Variants in LRP1B observed in about 807,000 individuals in gnomAD.
LRP1B encodes the protein LDL receptor related protein 1B, also known as low-density lipoprotein receptor-related protein 1B.
In LRP1B, 217 loss-of-function variants were observed where a neutral mutation model predicts 556.6. That is an observed-to-expected ratio of 0.39 (90% CI 0.35 to 0.44). The LOEUF (loss-of-function observed/expected upper bound fraction) is 0.44. Among genes scored for constraint, LRP1B ranks in the 20% least tolerant of loss-of-function variants. The pLI, the probability that LRP1B is intolerant of heterozygous loss-of-function variation, is 1.00. For missense variants in LRP1B, 5,053 were observed against 5,620.8 expected, an observed-to-expected ratio of 0.90 and a Z score of 3.23; for synonymous variants, 2,047 against 1,865.8, an observed-to-expected ratio of 1.10 and a Z score of -2.50.
At chr2:142,074,564 G>A (rs542511217) in intron 1 of LRP1B, among the ~76,000 whole-genome samples, 1 of 152,010 alleles carries the variant, frequency 6.6e-6, no homozygotes, top group South Asian at 2.1e-4. Flanking sequence ...CTTCTCTGTA[G>A]AACTCCTGTG....
At chr2:140,642,564 G>A (rs1052665284) in intron 41 of LRP1B, among the ~76,000 whole-genome samples, 5 of 152,052 alleles carry the variant, frequency 3.3e-5, no homozygotes, top group African/African-American at 7.2e-5. Context: ...CTAAGAGGCC[G>A]GGCACGGTGG....
intron 41 of LRP1B, among the ~76,000 whole-genome samples, chr2:140,666,198 T>A (rs1685264430): frequency 6.6e-6 from 1 of 151,382 alleles, no homozygotes; most frequent in Non-Finnish European, 1.5e-5. Context: ...CTTCACCATC[T>A]TGGCCAGGCT....
chr2:141,599,909 C>T (rs2105307047), intron 2 of LRP1B, among the ~76,000 whole-genome samples: 1 of 152,166 alleles, frequency 6.6e-6, no homozygotes, highest in South Asian at 2.1e-4. Context: ...CTCACTTGGG[C>T]CACTTGGGTG....
chr2:140,868,314 T>C (rs1693017686), intron 25 of LRP1B, 51 bp from the exon 26 acceptor site: 1 of 1,474,840 alleles, frequency 6.8e-7, no homozygotes, highest in Middle Eastern at 2.0e-4. Context: ...AGTCATTCAT[T>C]TCACAGATAT....
At chr2:140,907,511 G>A (rs1694291015) in intron 22 of LRP1B, among the ~76,000 whole-genome samples, 1 of 152,008 alleles carries the variant, frequency 6.6e-6, no homozygotes, top group African/African-American at 2.4e-5. Context: ...ATATAGGGTG[G>A]TGGTGAGTTC....
intron 2 of LRP1B, among the ~76,000 whole-genome samples, chr2:141,490,378 T>TGC (rs1306394520): frequency 9.0e-6 from 1 of 110,774 alleles, no homozygotes; most frequent in Non-Finnish European, 2.0e-5. Flanking sequence ...CTCGTGTGTG[T>TGC]GTGTGTGTGT....
chr2:140,627,453 GT>G (rs1410247071), intron 41 of LRP1B, among the ~76,000 whole-genome samples: 2 of 151,948 alleles, frequency 1.3e-5, no homozygotes, highest in African/African-American at 4.8e-5. Flanking sequence ...CCAAGTTCTT[GT>G]TCTTCAGCTT....
intron 43 of LRP1B, among the ~76,000 whole-genome samples, chr2:140,549,753 GT>G (rs1680477394): frequency 6.6e-6 from 1 of 152,070 alleles, no homozygotes; most frequent in African/African-American, 2.4e-5. Context: ...GTTCCCATTA[GT>G]TTCCCAAATT....
At chr2:141,281,429 A>G (rs1685504759) in intron 3 of LRP1B, among the ~76,000 whole-genome samples, 1 of 152,106 alleles carries the variant, frequency 6.6e-6, no homozygotes, top group Non-Finnish European at 1.5e-5. Flanking sequence ...CATTGGTAAA[A>G]GTATAAAATG....
intron 6 of LRP1B, among the ~76,000 whole-genome samples, chr2:141,220,783 AAAAG>A (rs1229166091): frequency 6.6e-6 from 1 of 151,920 alleles, no homozygotes; most frequent in Admixed American, 6.6e-5. Context: ...AAAAAAAAAA[AAAAG>A]AATTTCCAAC....
intron 32 of LRP1B, among the ~76,000 whole-genome samples, chr2:140,794,065 A>C (rs1172939115): frequency 1.3e-5 from 2 of 152,110 alleles, no homozygotes; most frequent in African/African-American, 4.8e-5. Flanking sequence ...AATAAATCAC[A>C]ATATAATGTT....
intron 1 of LRP1B, among the ~76,000 whole-genome samples, chr2:141,975,356 C>T (rs1001337381): frequency 6.6e-6 from 1 of 151,940 alleles, no homozygotes. Flanking sequence ...GTTGATAATT[C>T]TGAGGGTGTC....
At chr2:141,285,069 T>C (rs1685654298) in intron 3 of LRP1B, among the ~76,000 whole-genome samples, 1 of 151,992 alleles carries the variant, frequency 6.6e-6, no homozygotes, top group African/African-American at 2.4e-5. Flanking sequence ...TTTACATTCT[T>C]CAGAATTTCC....
chr2:141,239,187 A>AGAT (rs1683770183), intron 5 of LRP1B, among the ~76,000 whole-genome samples: 1 of 152,116 alleles, frequency 6.6e-6, no homozygotes, highest in African/African-American at 2.4e-5. Flanking sequence ...CAAAATTTCA[A>AGAT]GATTGTGCTG....
intron 35 of LRP1B, among the ~76,000 whole-genome samples, chr2:140,735,340 C>T (rs1687911909): frequency 6.6e-6 from 1 of 152,138 alleles, no homozygotes; most frequent in Non-Finnish European, 1.5e-5. Flanking sequence ...ACACTACAGA[C>T]AGATAATTTA....
intron 3 of LRP1B, among the ~76,000 whole-genome samples, chr2:141,476,392 C>T (rs189687795): frequency 6.6e-6 from 1 of 152,134 alleles, no homozygotes; most frequent in Admixed American, 6.5e-5. Context: ...ATTGAGAGGC[C>T]TTGTATTTTA....
chr2:140,779,753 A>AGT (rs373081625), intron 32 of LRP1B, among the ~76,000 whole-genome samples: 4,225 of 133,910 alleles, frequency 0.032, 83 homozygotes, highest in Middle Eastern at 0.05. Flanking sequence ...TCTCTGTGAG[A>AGT]GAGTGTGTGT....
chr2:141,347,579 G>T (rs3109349), intron 3 of LRP1B, among the ~76,000 whole-genome samples: 91,260 of 151,638 alleles, frequency 0.6, 28,404 homozygotes, highest in African/African-American at 0.69. Flanking sequence ...ATACCTGCTT[G>T]CAGGTGCCCA....
intron 1 of LRP1B, among the ~76,000 whole-genome samples, chr2:142,122,052 C>T (rs907367113): frequency 6.6e-6 from 1 of 152,130 alleles, no homozygotes; most frequent in African/African-American, 2.4e-5. Context: ...ACAGACATTA[C>T]ACTCTGTGCA....
Sources: gnomAD v4.1 joint callset for allele counts (sites outside exome capture counted in the v4.1 genomes callset) on GRCh38, gnomAD v4.1.1 for gene constraint, MANE v1.5 for transcripts, NCBI Gene and HGNC (gene_info 2026-07-23, HGNC 2026-07-21) for gene names.